L3MBTL3: variants seen among roughly 807,000 people sequenced by gnomAD.
L3MBTL3 encodes the protein L3MBTL histone methyl-lysine binding protein 3, also known as lethal(3)malignant brain tumor-like protein 3.
In L3MBTL3, 27 loss-of-function variants were observed where a neutral mutation model predicts 102.3. The ratio of observed to expected loss-of-function variants is 0.26; its 90% CI spans 0.19 to 0.36. The LOEUF (loss-of-function observed/expected upper bound fraction) is 0.36. L3MBTL3 is among the 10% of genes least tolerant of loss of function. L3MBTL3 has a pLI of 1.00. For synonymous variants in L3MBTL3, 340 were observed against 320.9 expected (o/e 1.06, Z -0.64); for missense variants, 798 against 955.3 (o/e 0.84, Z 2.17).
intron 19 of L3MBTL3, among the ~76,000 whole-genome samples, chr6:130,113,748 T>C (rs1785489055): frequency 6.6e-6 from 1 of 152,218 alleles, no homozygotes; most frequent in Admixed American, 6.5e-5. Context: ...ATCAATCTGG[T>C]TTATATTTTT....
chr6:130,038,363 C>G lies in L3MBTL3; in HGVS notation c.-15-4322C>G, dbSNP rs181841545. Reference sequence around the variant, plus strand: ...CCTCCATACTGTTTTCTATAATGGCCATACTACTCTATATTCCCACCAAGA... The same window carrying G: ...CCTCCATACTGTTTTCTATAATGGCGATACTACTCTATATTCCCACCAAGA... On this transcript the variant is annotated intron_variant, in intron 2 of 22. Coordinates refer to ENST00000361794, the MANE Select transcript of L3MBTL3 (RefSeq NM_032438.4). 2.0e-3 allele frequency among the ~76,000 whole-genome samples: 303 copies of G among 151,742 alleles called. 5 individuals are homozygous for G. Among genetic ancestry groups the G allele is most frequent in the Middle Eastern group, 0.017 (5 of 294 alleles).
At chr6:130,035,122 T>A (rs1404984935) in intron 2 of L3MBTL3, among the ~76,000 whole-genome samples, 7 of 152,148 alleles carry the variant, frequency 4.6e-5, no homozygotes, top group Non-Finnish European at 7.4e-5. Flanking sequence ...TAAATAAACA[T>A]GAAACCGGAT....
rs755927782 is a variant in L3MBTL3 at position 130,049,760 on chromosome 6, G to T, written c.219G>T (p.Pro73=). ...TWMVPTAQEA[P]TSPPSSRPVF... ...CTCCTAAATCTACATCTCCAGCCCC[G>T]ACCTCTCCCCCGAGCTCCAGGCCCG... The change falls in exon 5 of 23, where the codon CCG becomes CCT. Residue 73 remains proline (P), a synonymous_variant. Coordinates refer to ENST00000361794, the MANE Select transcript of L3MBTL3 (RefSeq NM_032438.4). The T allele has an allele frequency of 2.5e-6, 4 of 1,613,666 alleles. No homozygotes were observed. The African/African-American group carries it at 4.0e-5, about 16-fold the overall frequency.
At chr6:130,075,974 G>A (rs1782927039) in intron 13 of L3MBTL3, among the ~76,000 whole-genome samples, 1 of 152,162 alleles carries the variant, frequency 6.6e-6, no homozygotes, top group South Asian at 2.1e-4. Context: ...AACAGCTACT[G>A]TGGGTAATAG....
At chr6:130,045,270 C>T (rs1041587425) in intron 3 of L3MBTL3, among the ~76,000 whole-genome samples, 2 of 152,068 alleles carry the variant, frequency 1.3e-5, no homozygotes, top group Admixed American at 1.3e-4. Context: ...TGTTTTCTCC[C>T]CAGCCCAAAC....
At chr6:130,116,365 C>T (rs903367913) in intron 19 of L3MBTL3, among the ~76,000 whole-genome samples, 5 of 152,076 alleles carry the variant, frequency 3.3e-5, no homozygotes, top group African/African-American at 9.7e-5. Flanking sequence ...TGCTGATGGT[C>T]GTGTAAACCT....
chr6:130,072,928 A>G (rs1043796444), intron 13 of L3MBTL3, among the ~76,000 whole-genome samples: 2 of 152,020 alleles, frequency 1.3e-5, no homozygotes, highest in African/African-American at 4.8e-5. Flanking sequence ...ACAGATACCT[A>G]TTCCTCTCCT....
intron 14 of L3MBTL3, among the ~76,000 whole-genome samples, chr6:130,082,319 G>A (rs898358159): frequency 2.6e-5 from 4 of 152,176 alleles, no homozygotes; most frequent in Non-Finnish European, 5.9e-5. Context: ...TATTCTGACA[G>A]TGCTAAACTA....
chr6:130,026,620 C>T (rs1158420887), intron 2 of L3MBTL3, among the ~76,000 whole-genome samples: 1 of 151,400 alleles, frequency 6.6e-6, no homozygotes, highest in Admixed American at 6.6e-5. Context: ...TGAGAAAAGA[C>T]CAATTATTGA....
chr6:130,033,983 A>G (rs1353084221), intron 2 of L3MBTL3, among the ~76,000 whole-genome samples: 2 of 152,208 alleles, frequency 1.3e-5, no homozygotes, highest in Non-Finnish European at 2.9e-5. Context: ...GGGTTATAGC[A>G]GGGCCCACTC....
intron 2 of L3MBTL3, among the ~76,000 whole-genome samples, chr6:130,036,071 A>G (rs553588384): frequency 1.8e-4 from 28 of 152,224 alleles, no homozygotes; most frequent in African/African-American, 5.3e-4. Flanking sequence ...CTACAAGAAC[A>G]AAACACAAGA....
intron 10 of L3MBTL3, among the ~76,000 whole-genome samples, chr6:130,065,508 A>G (rs948555456): frequency 6.6e-6 from 1 of 152,236 alleles, no homozygotes; most frequent in African/African-American, 2.4e-5. Flanking sequence ...CAGTAACTGT[A>G]CAGCTACCTC....
intron 18 of L3MBTL3, among the ~76,000 whole-genome samples, chr6:130,094,969 G>A (rs573967739): frequency 3.5e-4 from 54 of 152,280 alleles, no homozygotes; most frequent in African/African-American, 1.1e-3. Context: ...CTACTTGGGA[G>A]GCTAAGGTGG....
Position 130,133,666 on chromosome 6 carries a change from C to G in L3MBTL3, c.2136+45C>G. ...CTGCCCGACACCAGATACAGGATTACTGGCTTAAGAGGTGTGGAACATTGA... is the reference window on the plus strand; with the variant it reads ...CTGCCCGACACCAGATACAGGATTAGTGGCTTAAGAGGTGTGGAACATTGA... On this transcript the variant is annotated intron_variant, in intron 21 of 22. Coordinates refer to ENST00000361794, the MANE Select transcript of L3MBTL3 (RefSeq NM_032438.4). The surrounding 1 kb of genome is among the most constrained non-coding windows in gnomAD (Gnocchi z 4.9). The G allele has an allele frequency of 8.1e-6, 13 of 1,603,822 alleles. No individual in the cohort carries two copies. Among genetic ancestry groups the G allele is most frequent in the Non-Finnish European group, 1.0e-5 (12 of 1,174,864 alleles).
intron 1 of L3MBTL3, 82 bp from the exon 2 acceptor site, chr6:130,022,145 T>C (rs1779057439): frequency 6.6e-6 from 1 of 152,214 alleles, no homozygotes; most frequent in Admixed American, 6.5e-5. Flanking sequence ...GTAAGCTTCT[T>C]AACTGGGGAT....
rs562990838 is a variant in L3MBTL3 at position 130,109,694 on chromosome 6, G to C, written c.1886+5119G>C. ...TGATGATAGTTTCTTTTGCTGTGCAGAAGCTCTTTAGTTTGATTAGATCCC... is the reference window on the plus strand; with the variant it reads ...TGATGATAGTTTCTTTTGCTGTGCACAAGCTCTTTAGTTTGATTAGATCCC... On this transcript the variant is annotated intron_variant, in intron 19 of 22. Coordinates refer to ENST00000361794, the MANE Select transcript of L3MBTL3 (RefSeq NM_032438.4). Among the ~76,000 whole-genome samples, 113 of 152,294 alleles carry C rather than the reference G, an allele frequency of 7.4e-4. 1 individual carries two copies. Among genetic ancestry groups the C allele is most frequent in the African/African-American group, 2.6e-3 (109 of 41,560 alleles).
chr6:130,045,595 T>C (rs1183557486), intron 3 of L3MBTL3, among the ~76,000 whole-genome samples: 1 of 152,184 alleles, frequency 6.6e-6, no homozygotes, highest in Non-Finnish European at 1.5e-5. Flanking sequence ...TTTTCTGATA[T>C]TTAAAATGGA....
intron 19 of L3MBTL3, among the ~76,000 whole-genome samples, chr6:130,114,359 T>A (rs1785533346): frequency 6.6e-6 from 1 of 152,220 alleles, no homozygotes; most frequent in South Asian, 2.1e-4. Flanking sequence ...CACCAATTTC[T>A]GACTCAGGAA....
chr6:130,031,033 A>G (rs906932879), intron 2 of L3MBTL3, among the ~76,000 whole-genome samples: 1 of 152,160 alleles, frequency 6.6e-6, no homozygotes, highest in East Asian at 1.9e-4. Flanking sequence ...TTGTGGATAC[A>G]TGAGTCCTTC....
Sources: gnomAD v4.1 joint callset for allele counts (sites outside exome capture counted in the v4.1 genomes callset) on GRCh38, gnomAD v4.1.1 for gene constraint, Gnocchi (gnomAD v3.1) non-coding constraint, MANE v1.5 for transcripts, NCBI Gene and HGNC (gene_info 2026-07-23, HGNC 2026-07-21) for gene names.